Variants in DUSP22 observed in about 807,000 individuals in gnomAD.
The protein encoded by DUSP22 is dual specificity protein phosphatase 22.
In DUSP22, 24 loss-of-function variants were observed where a neutral mutation model predicts 24.5. That is an observed-to-expected ratio of 0.98 (90% CI 0.71 to 1.38). DUSP22 has a LOEUF of 1.38. DUSP22 is among the 40% of genes most tolerant of loss of function. The pLI is 0.00. For missense variants in DUSP22, 330 were observed against 269.2 expected (o/e 1.23, Z -1.58); for synonymous variants, 160 against 106.4 (o/e 1.50, Z -3.10).
chr6:326,935 G>A (rs1355019160), intron 3 of DUSP22, among the ~76,000 whole-genome samples: 1 of 152,302 alleles, frequency 6.6e-6, no homozygotes, highest in Non-Finnish European at 1.5e-5. Flanking sequence ...ATGACTTTGT[G>A]CAATGGGACT....
chr6:337,608 A>G (rs1330936570), intron 4 of DUSP22, among the ~76,000 whole-genome samples: 1 of 152,306 alleles, frequency 6.6e-6, no homozygotes, highest in Admixed American at 6.5e-5. Flanking sequence ...GTGCTGAAGG[A>G]CTAGCCCATA....
chr6:345,545 T>G (rs1429020665), intron 4 of DUSP22, among the ~76,000 whole-genome samples: 3 of 152,306 alleles, frequency 2.0e-5, no homozygotes. Flanking sequence ...GATTATTTGA[T>G]TATAGCAAAT....
chr6:317,116 G>A (rs1758369384), intron 3 of DUSP22, among the ~76,000 whole-genome samples: 2 of 152,308 alleles, frequency 1.3e-5, no homozygotes, highest in African/African-American at 4.8e-5. Context: ...TTTGTTTGTA[G>A]TTGGCTTCTT....
intron 4 of DUSP22, among the ~76,000 whole-genome samples, chr6:342,864 C>T (rs1457935907): frequency 6.6e-6 from 1 of 152,308 alleles, no homozygotes; most frequent in Non-Finnish European, 1.5e-5. Flanking sequence ...CCTTCCCAAA[C>T]AAAATCAGTG....
chr6:312,134 G>T (rs756606346), intron 3 of DUSP22, among the ~76,000 whole-genome samples, 172 bp downstream of exon 3: 1 of 152,426 alleles, frequency 6.6e-6, no homozygotes, highest in South Asian at 2.1e-4. Context: ...TGTCTGTAGC[G>T]TGGCGCGAGG....
At chr6:293,485 T>C (rs1218551479) in intron 1 of DUSP22, among the ~76,000 whole-genome samples, 2 of 152,290 alleles carry the variant, frequency 1.3e-5, no homozygotes, top group Non-Finnish European at 2.9e-5. Context: ...TGAGTCGTCT[T>C]TCTGCTTCAC....
intron 4 of DUSP22, among the ~76,000 whole-genome samples, chr6:340,450 T>C (rs1312887735): frequency 6.6e-6 from 1 of 152,308 alleles, no homozygotes; most frequent in Admixed American, 6.5e-5. Flanking sequence ...GAAGCAGCTC[T>C]CTGTTATGAA....
intron 3 of DUSP22, among the ~76,000 whole-genome samples, chr6:329,523 G>A (rs1302484665): frequency 1.3e-5 from 2 of 152,300 alleles, no homozygotes; most frequent in South Asian, 2.1e-4. Flanking sequence ...TGTGATCTCG[G>A]CTCACTGCAA....
rs1760160059 is a variant in DUSP22 at position 350,697 on chromosome 6, A to G, written c.*1746A>G. On this transcript the variant is annotated 3_prime_UTR_variant, in exon 7 of 7. Transcript: ENST00000419235. ...AAGCCAAAAATAAATACGTTAACAG[A>G]AAAATGATTTAGGATATAGCTTGAA... 3 of 1,583,382 alleles carry G rather than the reference A, an allele frequency of 1.9e-6. No individual in the cohort carries two copies. In the African/African-American group the frequency reaches 4.1e-5, roughly 22 times the overall value.
chr6:312,097 G>T lies in DUSP22; in HGVS notation c.138+135G>T. On this transcript the variant is annotated intron_variant, in intron 3 of 6. Coordinates refer to ENST00000419235, the MANE Select transcript of DUSP22 (RefSeq NM_001286555.3). Reference sequence around the variant, plus strand: ...TGATCTCTGGCGGCATTCCCATTGTGTTCAGGCCGTGTTGATGTTAACACG... The same window carrying T: ...TGATCTCTGGCGGCATTCCCATTGTTTTCAGGCCGTGTTGATGTTAACACG... 4.0e-6 allele frequency: 4 copies of T among 993,074 alleles called. No individual in the cohort carries two copies. In the South Asian group the frequency reaches 6.9e-5, roughly 17 times the overall value. 61.5% of individuals were successfully genotyped at this position (993,074 alleles called of 1,614,324 possible).
chr6:343,673 G>GTGTGCATGTTTGCGTGTGCATGTTTGCA (rs1561680553), intron 4 of DUSP22, among the ~76,000 whole-genome samples: 12 of 151,936 alleles, frequency 7.9e-5, no homozygotes, highest in African/African-American at 2.2e-4. Context: ...GCATGTTTGC[G>GTGTGCATGTTTGCGTGTGCATGTTTGCA]TGTGCATGTT....
intron 3 of DUSP22, among the ~76,000 whole-genome samples, chr6:328,348 C>G (rs555763119): frequency 6.6e-6 from 1 of 152,426 alleles, no homozygotes; most frequent in South Asian, 2.1e-4. Flanking sequence ...TAACCCAGCC[C>G]GTACTGGCTG....
At chr6:324,854 T>C (rs559618215) in intron 3 of DUSP22, among the ~76,000 whole-genome samples, 182 of 152,332 alleles carry the variant, frequency 1.2e-3, no homozygotes, top group African/African-American at 4.1e-3. Flanking sequence ...AGGGACCCAT[T>C]CCATCACCAG....
At chr6:332,974 G>A (rs1759203018) in intron 3 of DUSP22, among the ~76,000 whole-genome samples, 1 of 152,292 alleles carries the variant, frequency 6.6e-6, no homozygotes, top group African/African-American at 2.4e-5. Context: ...TCATTTCAAT[G>A]GTGGCTGCAG....
chr6:318,543 G>A (rs929055947), intron 3 of DUSP22, among the ~76,000 whole-genome samples: 1 of 151,640 alleles, frequency 6.6e-6, no homozygotes, highest in Non-Finnish European at 1.5e-5. Flanking sequence ...GACCCCAGGG[G>A]GTGACCACAG....
intron 1 of DUSP22, among the ~76,000 whole-genome samples, chr6:301,683 G>T (rs1179043925): frequency 2.0e-5 from 3 of 152,292 alleles, no homozygotes; most frequent in Admixed American, 1.3e-4. Flanking sequence ...GGGGAGCAGA[G>T]AATTGAGAGA....
chr6:337,664 A>G (rs369086601), intron 4 of DUSP22, among the ~76,000 whole-genome samples: 84 of 152,380 alleles, frequency 5.5e-4, no homozygotes, highest in African/African-American at 2.0e-3. Flanking sequence ...TGCAGGTGCA[A>G]TTTTGTTACA....
intron 3 of DUSP22, among the ~76,000 whole-genome samples, chr6:315,200 G>A (rs1021557937): frequency 2.3e-4 from 35 of 152,282 alleles, no homozygotes; most frequent in Admixed American, 8.5e-4. Flanking sequence ...TCTTAGAAAC[G>A]TAATAGAAAC....
intron 3 of DUSP22, among the ~76,000 whole-genome samples, chr6:317,047 T>G (rs1244892856): frequency 2.0e-5 from 3 of 152,312 alleles, no homozygotes; most frequent in African/African-American, 7.2e-5. Context: ...TGTTTATATT[T>G]CTTTTAACAT....
Sources: allele counts gnomAD v4.1 joint callset (sites outside exome capture counted in the v4.1 genomes callset), GRCh38; gene constraint gnomAD v4.1.1; transcripts MANE v1.5; gene names NCBI Gene and HGNC (gene_info 2026-07-23, HGNC 2026-07-21).